The following HTR2C variants were observed in gnomAD, a reference collection of about 807,000 sequenced individuals.
The protein encoded by HTR2C is 5-hydroxytryptamine receptor 2C, also known as 5-hydroxytryptamine (serotonin) receptor 2C, G protein-coupled.
In HTR2C, 5 loss-of-function variants were observed where a neutral mutation model predicts 21.0. That is an observed-to-expected ratio of 0.24 (90% CI 0.12 to 0.50). HTR2C has a LOEUF of 0.50. Among genes scored for constraint, HTR2C ranks in the 20% least tolerant of loss-of-function variants. The pLI is 0.98. For missense variants in HTR2C, 271 were observed against 371.2 expected (o/e 0.73, Z 2.22); for synonymous variants, 150 against 145.3 (o/e 1.03, Z -0.23).
At chrX:114,789,708 G>T (rs1237831891) in intron 4 of HTR2C, among the ~76,000 whole-genome samples, 1 of 111,106 alleles carries the variant, frequency 9.0e-6, no homozygotes, top group Non-Finnish European at 1.9e-5. Flanking sequence ...TGATAAGAAG[G>T]ATAAGAAGTT....
chrX:114,820,454 T>G (rs1556455895), intron 4 of HTR2C, among the ~76,000 whole-genome samples: 1 of 110,270 alleles, frequency 9.1e-6, no homozygotes, highest in Non-Finnish European at 1.9e-5. Context: ...AAACCACAAT[T>G]TATCAGTCAT....
rs933592253 is a variant in HTR2C, at chrX:114,840,544, G to T, written c.350-7459G>T. 2.7e-5 allele frequency among the ~76,000 whole-genome samples: 3 copies of T among 111,063 alleles called. No individual in the cohort carries two copies. The South Asian group carries it at 1.1e-3, about 42-fold the overall frequency. On this transcript the variant is annotated intron_variant, in intron 4 of 5. Coordinates refer to ENST00000276198, the MANE Select transcript of HTR2C (RefSeq NM_000868.4). ...AGGAATCTGTGAAACAATATCAAAT[G>T]CTCTAACATGCATGTGATTTGAGAC...
intron 2 of HTR2C, among the ~76,000 whole-genome samples, chrX:114,651,214 C>T (rs782118623): frequency 9.0e-6 from 1 of 111,553 alleles, no homozygotes; most frequent in African/African-American, 3.2e-5. Context: ...TTGGTTTAGT[C>T]TTCAAAGCAA....
At position 114,845,810 on chromosome X, in the gene HTR2C, G is replaced by A. The variant is rs184893171; in HGVS notation, c.350-2193G>A. Reference sequence around the variant, plus strand: ...GGATTACTTGAGCCTATGAGTTCAAGAGCAGCCTAGGCAACATGGTGAAAA... The same window carrying A: ...GGATTACTTGAGCCTATGAGTTCAAAAGCAGCCTAGGCAACATGGTGAAAA... On this transcript the variant is annotated intron_variant, in intron 4 of 5. Coordinates refer to ENST00000276198, the MANE Select transcript of HTR2C (RefSeq NM_000868.4). Among the ~76,000 whole-genome samples, 12 of 108,826 alleles carry A rather than the reference G, an allele frequency of 1.1e-4. No homozygotes were observed. In the Admixed American group the frequency reaches 1.2e-3, roughly 11 times the overall value. 94.5% of individuals were successfully genotyped at this position (108,826 alleles called of 115,157 possible). A position where few individuals can be genotyped will look rare whatever the true frequency, so the allele number is the denominator to read the frequency against.
chrX:114,865,307 G>A (rs137958181), intron 5 of HTR2C, among the ~76,000 whole-genome samples: 3,036 of 111,699 alleles, frequency 0.027, 38 homozygotes, highest in Non-Finnish European at 0.043. Context: ...TTTTATAGAC[G>A]TGGTTTATTT....
chrX:114,655,447 GT>G (rs1222556816), intron 2 of HTR2C, among the ~76,000 whole-genome samples: 10 of 111,965 alleles, frequency 8.9e-5, no homozygotes, highest in Non-Finnish European at 9.4e-5. Context: ...CCATATTGGA[GT>G]ATGGCTAATG....
intron 1 of HTR2C, among the ~76,000 whole-genome samples, chrX:114,595,693 T>C (rs782112947): frequency 5.8e-4 from 65 of 111,357 alleles, no homozygotes; most frequent in African/African-American, 2.0e-3. Flanking sequence ...TACTCCCAGA[T>C]GTTTAAAAAG....
At chrX:114,674,723 A>G (rs1676175814) in intron 2 of HTR2C, among the ~76,000 whole-genome samples, 3 of 111,811 alleles carry the variant, frequency 2.7e-5, no homozygotes, top group African/African-American at 9.7e-5. Context: ...CTTCAAGTAC[A>G]TAAGACAGGT....
rs782373104 is a variant in HTR2C at position 114,775,911 on chromosome X, T to C, written c.349+44304T>C. 173 of 369,282 alleles carry C rather than the reference T, an allele frequency of 4.7e-4. 1 individual carries two copies. The highest frequency in any genetic ancestry group is 4.1e-3 in the African/African-American group (162 of 39,153). 30.4% of individuals were successfully genotyped at this position (369,282 alleles called of 1,213,427 possible). A position where few individuals can be genotyped will look rare whatever the true frequency, so the allele number is the denominator to read the frequency against. On this transcript the variant is annotated intron_variant, in intron 4 of 5. Coordinates refer to ENST00000276198, the MANE Select transcript of HTR2C (RefSeq NM_000868.4). ...CAGGCAATGGATGTACAGAAGTCAA[T>C]TCATTCTTAGAGAGAATCGACCTCA...
At chrX:114,866,131 A>G (rs782089090) in intron 5 of HTR2C, among the ~76,000 whole-genome samples, 20 of 111,629 alleles carry the variant, frequency 1.8e-4, no homozygotes, top group African/African-American at 6.2e-4. Context: ...TGCGTTTTTT[A>G]AAATATTTTC....
chrX:114,655,970 G>A (rs972281886), intron 2 of HTR2C, among the ~76,000 whole-genome samples: 5 of 110,968 alleles, frequency 4.5e-5, no homozygotes, highest in Non-Finnish European at 9.5e-5. Flanking sequence ...ATTTAGGTCA[G>A]TTTGTACAAG....
At chrX:114,667,266 T>G (rs1556411042) in intron 2 of HTR2C, among the ~76,000 whole-genome samples, 1 of 111,209 alleles carries the variant, frequency 9.0e-6, no homozygotes, top group African/African-American at 3.3e-5. Context: ...CTAATTTTAT[T>G]CTCTGTAACA....
intron 2 of HTR2C, among the ~76,000 whole-genome samples, chrX:114,725,589 G>A (rs1320707758): frequency 4.5e-5 from 5 of 112,016 alleles, no homozygotes; most frequent in Admixed American, 2.8e-4. Context: ...GAGGAGAGGC[G>A]CTCTGCATTT....
chrX:114,726,363 C>T (rs1166762782), intron 2 of HTR2C, among the ~76,000 whole-genome samples: 1 of 112,346 alleles, frequency 8.9e-6, no homozygotes, highest in African/African-American at 3.2e-5. Flanking sequence ...AATGCCTCGC[C>T]CTGCTTCGGC....
chrX:114,861,308 G>T (rs2071004353), intron 5 of HTR2C, among the ~76,000 whole-genome samples: 1 of 111,190 alleles, frequency 9.0e-6, no homozygotes, highest in South Asian at 3.7e-4. Context: ...ATTTCATTTA[G>T]CATGTCTTCC....
chrX:114,699,528 C>T (rs149206462), intron 2 of HTR2C, among the ~76,000 whole-genome samples: 113 of 111,937 alleles, frequency 1.0e-3, no homozygotes, highest in African/African-American at 3.1e-3. Context: ...GCCTGACACA[C>T]GGAAGGCCCT....
chrX:114,714,949 TA>T (rs1932959407), intron 2 of HTR2C, among the ~76,000 whole-genome samples: 1 of 112,264 alleles, frequency 8.9e-6, no homozygotes, highest in South Asian at 3.7e-4. Context: ...ATACATTATA[TA>T]AATTATTCAT....
At chrX:114,868,844 A>T (rs7050424) in intron 5 of HTR2C, among the ~76,000 whole-genome samples, 2 of 107,211 alleles carry the variant, frequency 1.9e-5, no homozygotes, top group African/African-American at 6.8e-5. Context: ...CACTTTTTGT[A>T]TTTTTTTTTT....
At chrX:114,757,538 C>T (rs1456325258) in intron 4 of HTR2C, among the ~76,000 whole-genome samples, 1 of 111,493 alleles carries the variant, frequency 9.0e-6, no homozygotes, top group Non-Finnish European at 1.9e-5. Flanking sequence ...CAAACAAGTA[C>T]CCAAATCGTT....
Sources: allele counts gnomAD v4.1 joint callset (sites outside exome capture counted in the v4.1 genomes callset), GRCh38; gene constraint gnomAD v4.1.1; transcripts MANE v1.5; gene names NCBI Gene and HGNC (gene_info 2026-07-23, HGNC 2026-07-21).